Variants in ZBTB21 observed in about 807,000 individuals in gnomAD.
The protein encoded by ZBTB21 is zinc finger and BTB domain-containing protein 21.
A neutral mutation model predicts 39.8 loss-of-function variants in ZBTB21; 10 were observed. That is an observed-to-expected ratio of 0.25 (90% CI 0.16 to 0.43). The LOEUF (loss-of-function observed/expected upper bound fraction) is 0.43. Ranked by LOEUF, ZBTB21 falls within the 20% of genes least tolerant of loss-of-function variation. The pLI, the probability that ZBTB21 is intolerant of heterozygous loss-of-function variation, is 1.00. For synonymous variants in ZBTB21, 551 were observed against 498.8 expected (o/e 1.10, Z -1.40); for missense variants, 1,221 against 1,296.3 (o/e 0.94, Z 0.89).
chr21:41,993,569 G>T lies in ZBTB21; in HGVS notation c.527C>A (p.Pro176His). Residue 176 changes from proline to histidine, a missense_variant, in exon 3 of 3, where the codon CCC (proline) becomes CAC (histidine). Physicochemically the swap from Pro to His is moderately conservative, Grantham distance 77 (BLOSUM62 -2). Transcript: ENST00000310826. ...GGCCTTGACTGCAATGCTAGGAGAG[G>T]GCCGGGAAGTATGGCTTACATCGGG... ...NQPDVSHTSR[P>H]SPSIAVKANT... The T allele has an allele frequency of 1.2e-6, 2 of 1,614,254 alleles. No individual in the cohort carries two copies. The highest frequency in any genetic ancestry group is 1.7e-6 in the Non-Finnish European group (2 of 1,180,060).
intron 2 of ZBTB21, among the ~76,000 whole-genome samples, chr21:42,000,686 A>T (rs2065807027): frequency 6.6e-6 from 1 of 152,240 alleles, no homozygotes; most frequent in African/African-American, 2.4e-5. Context: ...TCACTGCTTC[A>T]AATTTCTTGG....
chr21:42,010,112 C>T (rs1345230258), intron 1 of ZBTB21, 140 bp downstream of exon 1: 2 of 388,082 alleles, frequency 5.2e-6, no homozygotes, highest in Non-Finnish European at 9.1e-6. Flanking sequence ...CGCTCGGAGC[C>T]CGCAACCCGC....
chr21:42,004,311 C>T (rs993133701), intron 1 of ZBTB21, among the ~76,000 whole-genome samples: 2 of 152,094 alleles, frequency 1.3e-5, no homozygotes, highest in South Asian at 2.1e-4. Context: ...CCACCGCGCC[C>T]GGCCTCATAT....
In ZBTB21 at chr21:41,991,668, A is replaced by G. The variant is rs895930108; in HGVS notation, c.2428T>C (p.Ser810Pro). 7 of 1,614,100 alleles carry G rather than the reference A, an allele frequency of 4.3e-6. No homozygotes were observed. Among genetic ancestry groups the G allele is most frequent in the Non-Finnish European group, 4.2e-6 (5 of 1,180,046 alleles). Residue 810 changes from serine (S) to proline (P), a missense_variant, in exon 3 of 3, where the codon TCT becomes CCT. Physicochemically the swap from Ser to Pro is moderately conservative, Grantham distance 74. This residue lies in a region of ZBTB21 where 523 missense variants were observed against 542.5 expected (regional missense o/e 0.96). Coordinates refer to ENST00000310826, the MANE Select transcript of ZBTB21 (RefSeq NM_001098402.2). This position sits in a 1 kb window ranked among gnomAD's most constrained non-coding sequence, Gnocchi z 4.9. Reference sequence around the variant, plus strand: ...CCATTGTGGTCCAAAACGGGCAAAGAAAAGTTTTCGGTGGGTGCCATGTTG... The same window carrying G: ...CCATTGTGGTCCAAAACGGGCAAAGGAAAGTTTTCGGTGGGTGCCATGTTG... Reference protein sequence around the residue: ...QNNMAPTENFSLPVLDHNGDV... With the variant: ...QNNMAPTENFPLPVLDHNGDV...
At position 41,993,257 on chromosome 21, in the gene ZBTB21, A is replaced by G. The variant is rs762933040; in HGVS notation, c.839T>C (p.Leu280Ser). 1 of 1,611,962 alleles carries G rather than the reference A, an allele frequency of 6.2e-7. No homozygotes were observed. Among genetic ancestry groups the G allele is most frequent in the Non-Finnish European group, 8.5e-7 (1 of 1,180,028 alleles). The stretch of plus-strand genomic sequence containing the variant: ...AGTCTCTGATGAGCTACAAACAGAC[A>G]AAACAGGTGGCCGTGGTCTCTTCAA... Reference protein sequence around the residue: ...LALKRPRPPVLSVCSSSETPY... With the variant: ...LALKRPRPPVSSVCSSSETPY... Residue 280 changes from leucine to serine, a missense_variant, in exon 3 of 3, where the codon TTG becomes TCG. Leu to Ser is a moderately radical substitution (Grantham distance 145). Coordinates refer to ENST00000310826, the MANE Select transcript of ZBTB21 (RefSeq NM_001098402.2).
chr21:41,990,639 TA>T lies in ZBTB21; in HGVS notation c.*255del, dbSNP rs2065637116. 1 of 289,290 alleles carries T rather than the reference TA, an allele frequency of 3.5e-6. No homozygotes were observed. The highest frequency in any genetic ancestry group is 4.8e-5 in the Admixed American group (1 of 20,982). 17.9% of individuals were successfully genotyped at this position (289,290 alleles called of 1,614,324 possible). On this transcript the variant is annotated 3_prime_UTR_variant, in exon 3 of 3. Transcript: ENST00000310826. ...GAGGAACCATGCACACAATCAAGAC[TA>T]ATCCAATTTCAACATTAATGAAATC...
At chr21:41,994,391 T>C (rs568025253) in intron 2 of ZBTB21, among the ~76,000 whole-genome samples, 2 of 152,188 alleles carry the variant, frequency 1.3e-5, no homozygotes, top group Non-Finnish European at 2.9e-5. Context: ...CAGGTAGATA[T>C]GGAAGCAATA....
chr21:41,992,291 T>C lies in ZBTB21; in HGVS notation c.1805A>G (p.Lys602Arg), dbSNP rs371648001. 5.0e-6 allele frequency: 8 copies of C among 1,614,116 alleles called. No homozygotes were observed. The highest frequency in any genetic ancestry group is 6.8e-6 in the Non-Finnish European group (8 of 1,180,046). ...TGAACTAGAGGCTGGTGATGGGTTCTTCACTATGCCGTGTTGGGTCTGACA... is the reference window on the plus strand; with the variant it reads ...TGAACTAGAGGCTGGTGATGGGTTCCTCACTATGCCGTGTTGGGTCTGACA... ...THCQTQHGIV[K>R]NPSPASSSHA... The change falls in exon 3 of 3, where the codon AAG (lysine) becomes AGG (arginine). Residue 602 changes from lysine (K) to arginine (R), a missense_variant. By Grantham distance (26) the Lys-to-Arg change is conservative. Transcript: ENST00000310826. The surrounding 1 kb of genome is among the most constrained non-coding windows in gnomAD (Gnocchi z 4.1).
Position 41,990,957 on chromosome 21 carries a change from G to A in ZBTB21, c.3139C>T (p.Leu1047Phe), listed in dbSNP as rs1347403189. The stretch of plus-strand genomic sequence containing the variant: ...GCAGTCTTGAATGTCCTGTGGCAAA[G>A]TTTACACATAAACTGTCTTTTAAAT... ...ITFKRQFMCK[L>F]CHRTFKTAFS... The change falls in exon 3 of 3, where the codon CTT becomes TTT. Residue 1047 changes from leucine to phenylalanine, a missense_variant. Physicochemically the swap from Leu to Phe is conservative, Grantham distance 22 (BLOSUM62 0). Transcript: ENST00000310826. 2 of 1,518,092 alleles carry A rather than the reference G, an allele frequency of 1.3e-6. No individual in the cohort carries two copies. Among genetic ancestry groups the A allele is most frequent in the Non-Finnish European group, 1.8e-6 (2 of 1,134,736 alleles). 94.0% of individuals were successfully genotyped at this position (1,518,092 alleles called of 1,614,324 possible).
At chr21:42,004,289 G>A (rs1212354057) in intron 1 of ZBTB21, among the ~76,000 whole-genome samples, 1 of 152,124 alleles carries the variant, frequency 6.6e-6, no homozygotes, top group East Asian at 1.9e-4. Flanking sequence ...CCAGCCACCT[G>A]TAAGATATGA....
intron 1 of ZBTB21, among the ~76,000 whole-genome samples, chr21:42,004,914 G>T (rs2065861212): frequency 6.6e-6 from 1 of 152,206 alleles, no homozygotes. Context: ...ATAGGAAGTT[G>T]CCTCTGAGTT....
At chr21:42,004,003 TC>T (rs1448235512) in intron 1 of ZBTB21, among the ~76,000 whole-genome samples, 110 of 108,940 alleles carry the variant, frequency 1.0e-3, no homozygotes, top group Non-Finnish European at 1.7e-3. Context: ...ATATCTCACA[TC>T]TTTTTTTTTT....
rs750793279 is a variant in ZBTB21, at chr21:41,991,678, G to A, written c.2418C>T (p.Thr806=). 17 of 1,614,058 alleles carry A rather than the reference G, an allele frequency of 1.1e-5. No homozygotes were observed. The highest frequency in any genetic ancestry group is 8.9e-5 in the East Asian group (4 of 44,898). ...EVHNQNNMAP[T]ENFSLPVLDH... is the part of the protein sequence containing the mutation. Reference sequence around the variant, plus strand: ...CCAAAACGGGCAAAGAAAAGTTTTCGGTGGGTGCCATGTTGTTCTGATTAT... The same window carrying A: ...CCAAAACGGGCAAAGAAAAGTTTTCAGTGGGTGCCATGTTGTTCTGATTAT... The change falls in exon 3 of 3, where the codon ACC becomes ACT. Residue 806 remains threonine (T), a synonymous_variant. Transcript: ENST00000310826. This position sits in a 1 kb window ranked among gnomAD's most constrained non-coding sequence, Gnocchi z 4.9.
Position 41,988,977 on chromosome 21 carries a change from TACC to T in ZBTB21, c.*1915_*1917del, listed in dbSNP as rs1187376002. The T allele has an allele frequency of 3.3e-5, 5 of 152,104 alleles. No individual in the cohort carries two copies. The highest frequency in any genetic ancestry group is 7.4e-5 in the Non-Finnish European group (5 of 67,974). The allele number at this position is 152,104 out of a possible 1,614,324, so 9.4% of individuals were successfully genotyped here. A position where few individuals can be genotyped will look rare whatever the true frequency, so the allele number is the denominator to read the frequency against. On this transcript the variant is annotated 3_prime_UTR_variant, in exon 3 of 3. Coordinates refer to ENST00000310826, the MANE Select transcript of ZBTB21 (RefSeq NM_001098402.2). ...CTACCAAGATGGACAGAGTAAGAAA[TACC>T]ACATTATACGCGGAATGAATTCAAT...
In ZBTB21 at chr21:41,990,402, A is replaced by G. The variant is rs1281102616; in HGVS notation, c.*493T>C. 6.5e-6 allele frequency: 1 copy of G among 152,700 alleles called. No individual in the cohort carries two copies. The highest frequency in any genetic ancestry group is 1.9e-4 in the East Asian group (1 of 5,200). 9.5% of individuals were successfully genotyped at this position (152,700 alleles called of 1,614,324 possible). Reference sequence around the variant, plus strand: ...GTGTCAGGATAACTTATTAAAGTTGAGATTTATCTTTTATTGCTAAAGTAG... The same window carrying G: ...GTGTCAGGATAACTTATTAAAGTTGGGATTTATCTTTTATTGCTAAAGTAG... On this transcript the variant is annotated 3_prime_UTR_variant, in exon 3 of 3. Transcript: ENST00000310826.
rs147890930 is a variant in ZBTB21 at position 41,993,676 on chromosome 21, A to T, written c.420T>A (p.Asp140Glu). Residue 140 changes from aspartate to glutamate, a missense_variant, in exon 3 of 3, where the codon GAT becomes GAA. Physicochemically the swap from Asp to Glu is conservative, Grantham distance 45 (BLOSUM62 2). Around this residue, in one of 4 missense-constraint regions of ZBTB21, gnomAD observed 500 missense variants for 465.6 expected, o/e 1.07. Coordinates refer to ENST00000310826, the MANE Select transcript of ZBTB21 (RefSeq NM_001098402.2). ...PNRKKVFVED[D>E]ENSSQKRSVI... ...CACTTCTCTTTTGAGAACTGTTTTCATCATCTTCTACAAACACTTTTTTTC... is the reference window on the plus strand; with the variant it reads ...CACTTCTCTTTTGAGAACTGTTTTCTTCATCTTCTACAAACACTTTTTTTC... The T allele has an allele frequency of 1.9e-6, 3 of 1,614,200 alleles. No individual in the cohort carries two copies. The East Asian group carries it at 6.7e-5, about 36-fold the overall frequency.
At position 41,992,581 on chromosome 21, in the gene ZBTB21, A is replaced by C. The variant is rs750390760; in HGVS notation, c.1515T>G (p.Pro505=). ...CTTCCTCAAAATTATCTTCTGACAC[A>C]GGAGACCCGTGCTCATTCACCTTTA... ...KKLKVNEHGS[P]VSEDNFEEGS... is the part of the protein sequence containing the mutation. The change falls in exon 3 of 3, where the codon CCT becomes CCG. Residue 505 remains proline (P), a synonymous_variant. Coordinates refer to ENST00000310826, the MANE Select transcript of ZBTB21 (RefSeq NM_001098402.2). The surrounding 1 kb of genome is among the most constrained non-coding windows in gnomAD (Gnocchi z 4.1). 1.1e-5 allele frequency: 17 copies of C among 1,614,186 alleles called. No homozygotes were observed. The highest frequency in any genetic ancestry group is 1.4e-5 in the Non-Finnish European group (17 of 1,179,992).
Position 41,993,707 on chromosome 21 carries a change from G to A in ZBTB21, c.389C>T (p.Pro130Leu). The change falls in exon 3 of 3, where the codon CCT (proline) becomes CTT (leucine). Residue 130 changes from proline to leucine, a missense_variant. Pro to Leu is a moderately conservative substitution (Grantham distance 98). Coordinates refer to ENST00000310826, the MANE Select transcript of ZBTB21 (RefSeq NM_001098402.2). The stretch of plus-strand genomic sequence containing the variant: ...TTCTACAAACACTTTTTTTCTATTA[G>A]GACACGTTGGAAAGGGGGCTTGAGG... ...KTPQAPFPTC[P>L]NRKKVFVEDD... The A allele has an allele frequency of 6.2e-7, 1 of 1,613,860 alleles. No individual in the cohort carries two copies. Among genetic ancestry groups the A allele is most frequent in the South Asian group, 1.1e-5 (1 of 91,048 alleles).
Position 41,993,827 on chromosome 21 carries a change from G to C in ZBTB21, c.269C>G (p.Ser90Cys). The change falls in exon 3 of 3, where the codon TCC (serine) becomes TGC (cysteine). Residue 90 changes from serine (S) to cysteine (C), a missense_variant. By Grantham distance (112) the Ser-to-Cys change is moderately radical (BLOSUM62 -1). Coordinates refer to ENST00000310826, the MANE Select transcript of ZBTB21 (RefSeq NM_001098402.2). ...GCTGCTCTTCTCAACAAATAGAGAGGAAGAATAAATGTAGTTTAAAACATT... is the reference window on the plus strand; with the variant it reads ...GCTGCTCTTCTCAACAAATAGAGAGCAAGAATAAATGTAGTTTAAAACATT... ...FDNVLNYIYS[S>C]SLFVEKSSLA... 6.2e-7 allele frequency: 1 copy of C among 1,614,218 alleles called. No individual in the cohort carries two copies. The highest frequency in any genetic ancestry group is 8.5e-7 in the Non-Finnish European group (1 of 1,180,032).
Sources: gnomAD v4.1 joint callset for allele counts (sites outside exome capture counted in the v4.1 genomes callset) on GRCh38, gnomAD v4.1.1 for gene constraint, gnomAD v4.1.1 regional missense constraint, Gnocchi (gnomAD v3.1) non-coding constraint, MANE v1.5 for transcripts, NCBI Gene and HGNC (gene_info 2026-07-23, HGNC 2026-07-21) for gene names.